The following ARHGEF26 variants were observed in gnomAD, a reference collection of about 807,000 sequenced individuals.
The protein encoded by ARHGEF26 is Rho guanine nucleotide exchange factor 26, also known as Rho guanine nucleotide exchange factor (GEF) 26.
ARHGEF26 carries 59 observed loss-of-function variants against 89.4 expected under a neutral mutation model. That is an observed-to-expected ratio of 0.66 (90% CI 0.54 to 0.82). ARHGEF26 has a LOEUF of 0.82. Among genes scored for constraint, ARHGEF26 ranks in the 40% least tolerant of loss-of-function variants. The pLI, the probability that ARHGEF26 is intolerant of heterozygous loss-of-function variation, is 0.00. For missense variants in ARHGEF26, 1,234 were observed against 1,085.6 expected, an observed-to-expected ratio of 1.14 and a Z score of -1.92; for synonymous variants, 500 against 428.4, an observed-to-expected ratio of 1.17 and a Z score of -2.06.
At chr3:154,140,988 G>GTTTTTCCATCCTATTATTTTTTT (rs1291399488) in intron 4 of ARHGEF26, among the ~76,000 whole-genome samples, 1 of 150,084 alleles carries the variant, frequency 6.7e-6, no homozygotes, top group Non-Finnish European at 1.5e-5. Flanking sequence ...TTGAGATGGA[G>GTTTTTCCATCCTATTATTTTTTT]TCTTGCTCTG....
At chr3:154,238,921 G>A (rs542946872) in intron 11 of ARHGEF26, among the ~76,000 whole-genome samples, 2 of 152,124 alleles carry the variant, frequency 1.3e-5, no homozygotes, top group Non-Finnish European at 1.5e-5. Flanking sequence ...GGGAATTAAG[G>A]GGGGGAGGCG....
At chr3:154,251,867 A>T (rs1718174419) in intron 12 of ARHGEF26, among the ~76,000 whole-genome samples, 1 of 152,212 alleles carries the variant, frequency 6.6e-6, no homozygotes, top group Non-Finnish European at 1.5e-5. Context: ...CAGAATGGAA[A>T]TGCCTGGCGC....
intron 11 of ARHGEF26, among the ~76,000 whole-genome samples, chr3:154,235,307 C>T (rs995328338): frequency 2.6e-5 from 4 of 152,068 alleles, no homozygotes; most frequent in Non-Finnish European, 5.9e-5. Context: ...TAGAAGAAAC[C>T]TGTTAAGTTT....
chr3:154,137,748 A>G (rs1382072160), intron 4 of ARHGEF26, among the ~76,000 whole-genome samples: 1 of 151,534 alleles, frequency 6.6e-6, no homozygotes, highest in Non-Finnish European at 1.5e-5. Context: ...AGGCTGAGGC[A>G]GGAGGATCTC....
chr3:154,190,980 C>G (rs1192073917), intron 7 of ARHGEF26, among the ~76,000 whole-genome samples: 3 of 152,092 alleles, frequency 2.0e-5, no homozygotes, highest in Non-Finnish European at 4.4e-5. Flanking sequence ...CATATATTCA[C>G]CATTATGATA....
chr3:154,130,433 A>T (rs1308300976), intron 4 of ARHGEF26, among the ~76,000 whole-genome samples: 1 of 152,072 alleles, frequency 6.6e-6, no homozygotes, highest in African/African-American at 2.4e-5. Context: ...GAGCCACCGC[A>T]TCTAGCCCTT....
chr3:154,255,258 C>T, intron 14 of ARHGEF26, 73 bp from the exon 15 acceptor site: 1 of 1,510,928 alleles, frequency 6.6e-7, no homozygotes, highest in African/African-American at 1.4e-5. Flanking sequence ...TGCCTCTCAG[C>T]TTTTTCATAT....
intron 6 of ARHGEF26, among the ~76,000 whole-genome samples, chr3:154,175,893 C>T (rs1712788928): frequency 6.6e-6 from 1 of 152,172 alleles, no homozygotes; most frequent in Non-Finnish European, 1.5e-5. Context: ...CACTTGGGAA[C>T]TGTAAAGCAT....
Position 154,123,050 on chromosome 3 carries a change from A to T in ARHGEF26, c.1058A>T (p.Lys353Met), listed in dbSNP as rs765675256. ...AAAGTGGTGATGGAAGACAAGGAGA[A>T]GTTTTCCAGTCTGGGAAGGATAAAG... ...VLKVVMEDKEKFSSLGRIKKK... is the reference protein window; with the variant it reads ...VLKVVMEDKEMFSSLGRIKKK... Residue 353 changes from lysine (K) to methionine (M), a missense_variant, in exon 2 of 15, where the codon AAG becomes ATG. Coordinates refer to ENST00000465093, the MANE Select transcript of ARHGEF26 (RefSeq NM_015595.4). 1.2e-6 allele frequency: 2 copies of T among 1,613,836 alleles called. No homozygotes were observed. Among genetic ancestry groups the T allele is most frequent in the Admixed American group, 1.7e-5 (1 of 59,990 alleles).
chr3:154,217,156 G>A (rs1715813093), intron 9 of ARHGEF26, among the ~76,000 whole-genome samples: 1 of 151,230 alleles, frequency 6.6e-6, no homozygotes, highest in South Asian at 2.1e-4. Flanking sequence ...CACCAACAGT[G>A]TAAAAGTGTT....
chr3:154,160,568 G>A (rs1396707097), intron 6 of ARHGEF26, among the ~76,000 whole-genome samples: 1 of 152,160 alleles, frequency 6.6e-6, no homozygotes, highest in Non-Finnish European at 1.5e-5. Flanking sequence ...AAAAACCTGA[G>A]ATGGTTGTCC....
At chr3:154,134,074 T>G (rs572109088) in intron 4 of ARHGEF26, among the ~76,000 whole-genome samples, 2 of 152,214 alleles carry the variant, frequency 1.3e-5, no homozygotes, top group African/African-American at 2.4e-5. Context: ...GTTTTTTTTA[T>G]CAGCTTAAGA....
upstream of ARHGEF26, chr3:154,121,145 A>G (rs1338019443): frequency 6.6e-6 from 1 of 151,226 alleles, no homozygotes; most frequent in Non-Finnish European, 1.5e-5. Flanking sequence ...TGCCCCCGGC[A>G]ACGACCCCGC....
chr3:154,134,121 A>G (rs1026076575), intron 4 of ARHGEF26, among the ~76,000 whole-genome samples: 1 of 152,186 alleles, frequency 6.6e-6, no homozygotes, highest in African/African-American at 2.4e-5. Context: ...TTCCATATAT[A>G]GGATCATGTC....
At chr3:154,197,380 G>A (rs958280730) in intron 9 of ARHGEF26, among the ~76,000 whole-genome samples, 1 of 152,128 alleles carries the variant, frequency 6.6e-6, no homozygotes, top group Non-Finnish European at 1.5e-5. Context: ...TATGCATAGA[G>A]AGCATTTATG....
intron 10 of ARHGEF26, among the ~76,000 whole-genome samples, chr3:154,218,411 T>G (rs1043464020): frequency 6.6e-6 from 1 of 152,204 alleles, no homozygotes; most frequent in African/African-American, 2.4e-5. Context: ...CAAGTTTGTT[T>G]TTCTCTCATA....
chr3:154,151,896 C>G (rs1720044959), intron 5 of ARHGEF26, among the ~76,000 whole-genome samples: 2 of 152,186 alleles, frequency 1.3e-5, no homozygotes, highest in African/African-American at 4.8e-5. Flanking sequence ...TACCAGGGAG[C>G]TTTCCAGGAA....
At chr3:154,252,298 G>A (rs117769375) in intron 12 of ARHGEF26, among the ~76,000 whole-genome samples, 1 of 152,258 alleles carries the variant, frequency 6.6e-6, no homozygotes, top group East Asian at 1.9e-4. Flanking sequence ...ATGGAATAGT[G>A]GATGTTGAGT....
intron 6 of ARHGEF26, among the ~76,000 whole-genome samples, chr3:154,176,135 TA>T (rs1712801780): frequency 6.6e-6 from 1 of 152,188 alleles, no homozygotes; most frequent in South Asian, 2.1e-4. Context: ...CCATCCCTTT[TA>T]AACCGGAGAC....
Sources: allele counts gnomAD v4.1 joint callset (sites outside exome capture counted in the v4.1 genomes callset), GRCh38; gene constraint gnomAD v4.1.1; transcripts MANE v1.5; gene names NCBI Gene and HGNC (gene_info 2026-07-23, HGNC 2026-07-21).